Variants in ATG7 observed in about 807,000 individuals in gnomAD.
ATG7 encodes the protein autophagy related 7, also known as ubiquitin-like modifier-activating enzyme ATG7.
In ATG7, 70 loss-of-function variants were observed where a neutral mutation model predicts 82.4. The ratio of observed to expected loss-of-function variants is 0.85; its 90% CI spans 0.70 to 1.04. The LOEUF (loss-of-function observed/expected upper bound fraction) is 1.04. Among genes scored for constraint, ATG7 ranks in the 50% least tolerant of loss-of-function variants. The pLI is 0.00. For synonymous variants in ATG7, 287 were observed against 313.0 expected, an observed-to-expected ratio of 0.92 and a Z score of 0.88; for missense variants, 792 against 864.3, an observed-to-expected ratio of 0.92 and a Z score of 1.05.
chr3:11,362,692 T>G (rs2076358441), intron 16 of ATG7, 121 bp from the exon 17 acceptor site: 3 of 710,156 alleles, frequency 4.2e-6, no homozygotes, highest in Non-Finnish European at 7.0e-6. Context: ...TGGATGTTCT[T>G]TGCCAACAAT....
rs113255202 is a variant in ATG7, at chr3:11,379,331, C to T, written c.1876-641C>T. ...CAGGTATAATGTTCTGAATAAATTA[C>T]TTCAGTTATAGTTTGTGAAACCTGA... On this transcript the variant is annotated intron_variant, in intron 18 of 20. Transcript: ENST00000693202. 5.9e-3 allele frequency among the ~76,000 whole-genome samples: 894 copies of T among 152,266 alleles called. 7 individuals carry two copies. The highest frequency in any genetic ancestry group is 0.02 in the African/African-American group (826 of 41,538).
intron 1 of ATG7, among the ~76,000 whole-genome samples, chr3:11,273,046 A>G (rs1398114912): frequency 1.3e-5 from 2 of 152,366 alleles, no homozygotes; most frequent in South Asian, 2.1e-4. Flanking sequence ...AACGTACATG[A>G]TGTTGGAGAA....
chr3:11,422,740 C>CTTTTTTTTTTTTTTTTTTTT lies in ATG7; in HGVS notation c.1957-4054_1957-4035dup, dbSNP rs557755646. On this transcript the variant is annotated intron_variant, in intron 19 of 20. Coordinates refer to ENST00000693202, the MANE Select transcript of ATG7 (RefSeq NM_001349232.2). ...CCTCACTATGCTTAATCATTTCTAG[C>CTTTTTTTTTTTTTTTTTTTT]TTTTTTTTTTTTTTTTTTTTTTTTT... Among the ~76,000 whole-genome samples the CTTTTTTTTTTTTTTTTTTTT allele has an allele frequency of 1.4e-4, 7 of 49,546 alleles. 1 individual carries two copies. The highest frequency in any genetic ancestry group is 1.1e-3 in the Admixed American group (3 of 2,732). 32.5% of individuals were successfully genotyped at this position (49,546 alleles called of 152,430 possible). A position where few individuals can be genotyped will look rare whatever the true frequency, so the allele number is the denominator to read the frequency against.
At chr3:11,303,917 CAAAAA>C (rs55893689) in intron 5 of ATG7, among the ~76,000 whole-genome samples, 25 of 75,892 alleles carry the variant, frequency 3.3e-4, no homozygotes, top group East Asian at 1.2e-3. Context: ...ACTAAAAATG[CAAAAA>C]AAAAAAAAAA....
chr3:11,511,197 C>T (rs1167836446), intron 20 of ATG7, among the ~76,000 whole-genome samples: 7 of 152,162 alleles, frequency 4.6e-5, no homozygotes, highest in Non-Finnish European at 5.9e-5. Flanking sequence ...CCAATGCTGG[C>T]TCAGGCAGCC....
At chr3:11,559,447 G>A (rs1416928812), downstream of ATG7, 5 of 1,564,526 alleles carry the variant, frequency 3.2e-6, no homozygotes, top group African/African-American at 1.4e-5. Context: ...TGATCACGGA[G>A]GGCCGGTTCT....
chr3:11,467,124 CA>C (rs2086909118), intron 20 of ATG7, among the ~76,000 whole-genome samples: 1 of 98,724 alleles, frequency 1.0e-5, no homozygotes, highest in South Asian at 4.5e-4. Flanking sequence ...AACCCCATCT[CA>C]GAAAAAAACA....
At chr3:11,531,040 T>TG (rs1426734665) in intron 20 of ATG7, among the ~76,000 whole-genome samples, 3 of 152,176 alleles carry the variant, frequency 2.0e-5, no homozygotes, top group African/African-American at 7.2e-5. Context: ...CCTGGCTAAG[T>TG]GTCTGCTCAC....
chr3:11,500,402 G>T (rs1303984305), intron 20 of ATG7, among the ~76,000 whole-genome samples: 1 of 151,554 alleles, frequency 6.6e-6, no homozygotes, highest in Non-Finnish European at 1.5e-5. Flanking sequence ...CACAGTAAAT[G>T]CCAAAAAAAT....
chr3:11,519,540 T>TTG (rs1559791205), intron 20 of ATG7, among the ~76,000 whole-genome samples: 1 of 15,370 alleles, frequency 6.5e-5, no homozygotes, highest in Non-Finnish European at 1.4e-4. Context: ...GTGAGAGGAG[T>TTG]TTTTTTTTTT....
chr3:11,466,560 C>T (rs779136559), intron 20 of ATG7, among the ~76,000 whole-genome samples: 1 of 152,202 alleles, frequency 6.6e-6, no homozygotes, highest in Non-Finnish European at 1.5e-5. Context: ...GCACTGTAGT[C>T]ACAGGCACGA....
At chr3:11,490,271 C>T (rs1230400243) in intron 20 of ATG7, among the ~76,000 whole-genome samples, 1 of 152,060 alleles carries the variant, frequency 6.6e-6, no homozygotes, top group African/African-American at 2.4e-5. Context: ...TTAAAGTCTT[C>T]TATCAGAGAC....
At chr3:11,531,757 G>A (rs900615830) in intron 20 of ATG7, among the ~76,000 whole-genome samples, 6 of 151,824 alleles carry the variant, frequency 4.0e-5, no homozygotes, top group African/African-American at 7.3e-5. Context: ...CCAGCTACTC[G>A]GGAGGCTGAG....
chr3:11,514,783 A>G (rs1030310173), intron 20 of ATG7, among the ~76,000 whole-genome samples: 1 of 152,152 alleles, frequency 6.6e-6, no homozygotes, highest in African/African-American at 2.4e-5. Flanking sequence ...GAGAAAAGAA[A>G]GAGAAGTATG....
intron 20 of ATG7, among the ~76,000 whole-genome samples, chr3:11,533,539 T>TTAAAA (rs1411075483): frequency 7.9e-6 from 1 of 126,676 alleles, no homozygotes; most frequent in African/African-American, 3.0e-5. Context: ...CCCCTTCTGT[T>TTAAAA]AAAAAAAAAA....
intron 20 of ATG7, among the ~76,000 whole-genome samples, chr3:11,516,042 AAAAAC>A (rs1238539445): frequency 6.8e-4 from 103 of 151,710 alleles, no homozygotes; most frequent in Non-Finnish European, 1.2e-3. Context: ...AAAAAAAAAA[AAAAAC>A]AAAAAAACAT....
At chr3:11,472,475 T>C (rs185142740) in intron 20 of ATG7, among the ~76,000 whole-genome samples, 5 of 152,288 alleles carry the variant, frequency 3.3e-5, no homozygotes, top group Admixed American at 3.3e-4. Context: ...ATCTGGGATA[T>C]ATTCTTATCT....
At chr3:11,408,314 T>G (rs1043000399) in intron 19 of ATG7, among the ~76,000 whole-genome samples, 1 of 152,176 alleles carries the variant, frequency 6.6e-6, no homozygotes, top group African/African-American at 2.4e-5. Flanking sequence ...TGGACCTTGT[T>G]TATATCACTA....
chr3:11,358,761 C>T (rs918739671), intron 15 of ATG7, 149 bp downstream of exon 15: 1 of 762,800 alleles, frequency 1.3e-6, no homozygotes, highest in Non-Finnish European at 2.1e-6. Context: ...CAGACTCTGT[C>T]TTTGCCTCGC....
Sources: allele counts gnomAD v4.1 joint callset (sites outside exome capture counted in the v4.1 genomes callset), GRCh38; gene constraint gnomAD v4.1.1; transcripts MANE v1.5; gene names NCBI Gene and HGNC (gene_info 2026-07-23, HGNC 2026-07-21).